Variants in TCF3 observed in about 807,000 individuals in gnomAD.
The protein encoded by TCF3 is transcription factor 3.
TCF3 carries 54 observed loss-of-function variants against 72.3 expected under a neutral mutation model. That is an observed-to-expected ratio of 0.75 (90% CI 0.60 to 0.94). TCF3 has a LOEUF of 0.94. Ranked by LOEUF, TCF3 falls within the 40% of genes least tolerant of loss-of-function variation. TCF3 has a pLI of 0.00. For synonymous variants in TCF3, 525 were observed against 412.6 expected (o/e 1.27, Z -3.30); for missense variants, 1,078 against 934.4 (o/e 1.15, Z -2.00).
At chr19:1,651,366 G>A (rs1267593902) in intron 1 of TCF3, 1 of 227,350 alleles carries the variant, frequency 4.4e-6, no homozygotes, top group East Asian at 6.3e-5. Flanking sequence ...TCTGCCAACT[G>A]GAGGCCGGGT....
At chr19:1,630,835 G>A (rs1367492993) in intron 5 of TCF3, among the ~76,000 whole-genome samples, 3 of 151,920 alleles carry the variant, frequency 2.0e-5, no homozygotes, top group Admixed American at 6.6e-5. Flanking sequence ...CTGAGCCCCC[G>A]AACCCTGGGG....
Position 1,624,015 on chromosome 19 carries a change from A to C in TCF3, c.500-15T>G, listed in dbSNP as rs1568386002. On this transcript the variant is annotated splice_polypyrimidine_tract_variant and intron_variant, in intron 7 of 18. Coordinates refer to ENST00000262965, the MANE Select transcript of TCF3 (RefSeq NM_003200.5). Reference sequence around the variant, plus strand: ...GGGCTGCGTGTCTGTTAGAAGCAAAAGGGGTGAGAACCGGCCACCGGCCAT... The same window carrying C: ...GGGCTGCGTGTCTGTTAGAAGCAAACGGGGTGAGAACCGGCCACCGGCCAT... 6.2e-7 allele frequency: 1 copy of C among 1,613,004 alleles called. No homozygotes were observed. The highest frequency in any genetic ancestry group is 8.5e-7 in the Non-Finnish European group (1 of 1,179,748).
At chr19:1,637,349 G>C (rs1435750967) in intron 3 of TCF3, among the ~76,000 whole-genome samples, 1 of 152,126 alleles carries the variant, frequency 6.6e-6, no homozygotes, top group Non-Finnish European at 1.5e-5. Context: ...CAGAACCAGG[G>C]ACAACCTTCT....
At chr19:1,629,132 A>G (rs2063370868) in intron 5 of TCF3, among the ~76,000 whole-genome samples, 1 of 151,626 alleles carries the variant, frequency 6.6e-6, no homozygotes, top group South Asian at 2.1e-4. Flanking sequence ...GGGACAGCAG[A>G]GCTCACAGTG....
chr19:1,615,594 G>T lies in TCF3; in HGVS notation c.1587-74C>A. On this transcript the variant is annotated intron_variant, in intron 17 of 18. Coordinates refer to ENST00000262965, the MANE Select transcript of TCF3 (RefSeq NM_003200.5). The surrounding 1 kb of genome is among the most constrained non-coding windows in gnomAD (Gnocchi z 7.3). ...GGGAAGAGCGTGGGGCCCGCCGACGGCCTCCCAGTGTGGGTGCGGTGTGCG... is the reference window on the plus strand; with the variant it reads ...GGGAAGAGCGTGGGGCCCGCCGACGTCCTCCCAGTGTGGGTGCGGTGTGCG... The T allele has an allele frequency of 6.2e-7, 1 of 1,607,298 alleles. No individual in the cohort carries two copies. The highest frequency in any genetic ancestry group is 1.3e-5 in the African/African-American group (1 of 75,010).
chr19:1,627,461 C>T (rs954664192), intron 5 of TCF3, 35 bp from the exon 6 acceptor site: 2 of 1,603,342 alleles, frequency 1.2e-6, no homozygotes, highest in African/African-American at 1.3e-5. Context: ...TGGGAGGCGA[C>T]CCCAAGGAAC....
chr19:1,623,901 G>A, intron 8 of TCF3, 50 bp downstream of exon 8: 1 of 1,592,034 alleles, frequency 6.3e-7, no homozygotes, highest in South Asian at 1.1e-5. Context: ...CACAGGGCCT[G>A]GCACTGCCAC....
chr19:1,616,090 T>C (rs1457756474), intron 16 of TCF3, among the ~76,000 whole-genome samples: 3 of 152,192 alleles, frequency 2.0e-5, no homozygotes, highest in African/African-American at 7.2e-5. Flanking sequence ...AGCAACTCAA[T>C]GGCAGGAATC....
rs2061333843 is a variant in TCF3 at position 1,614,341 on chromosome 19, C to T, written c.1822+944G>A. 6.6e-6 allele frequency among the ~76,000 whole-genome samples: 1 copy of T among 152,236 alleles called. No individual in the cohort carries two copies. The highest frequency in any genetic ancestry group is 2.1e-4 in the South Asian group (1 of 4,838). ...CCCGGGTCTGGTTTCTTCCCGCAAGCCCTGACGGGGGGCTTTGGGGGAGGA... is the reference window on the plus strand; with the variant it reads ...CCCGGGTCTGGTTTCTTCCCGCAAGTCCTGACGGGGGGCTTTGGGGGAGGA... On this transcript the variant is annotated intron_variant, in intron 18 of 18. Coordinates refer to ENST00000262965, the MANE Select transcript of TCF3 (RefSeq NM_003200.5). The surrounding 1 kb of genome is among the most constrained non-coding windows in gnomAD (Gnocchi z 5.6).
chr19:1,639,061 T>C (rs995575969), intron 3 of TCF3, among the ~76,000 whole-genome samples: 9 of 152,228 alleles, frequency 5.9e-5, no homozygotes, highest in African/African-American at 2.2e-4. Context: ...TTTCTTTTTC[T>C]GAGACAGAGT....
intron 8 of TCF3, among the ~76,000 whole-genome samples, chr19:1,623,418 CTG>C (rs1175295484): frequency 1.4e-5 from 2 of 143,726 alleles, no homozygotes; most frequent in East Asian, 2.3e-4. Flanking sequence ...GAGTCTCACT[CTG>C]TTGCTCAGGC....
chr19:1,613,684 C>T (rs2061266114), intron 18 of TCF3, among the ~76,000 whole-genome samples: 1 of 152,154 alleles, frequency 6.6e-6, no homozygotes, highest in Admixed American at 6.5e-5. Flanking sequence ...TCAGGGCTCA[C>T]ATGGAGCAAA....
At position 1,621,902 on chromosome 19, in the gene TCF3, G is replaced by A. The variant is rs112347235; in HGVS notation, c.891C>T (p.Pro297=). The A allele has an allele frequency of 4.3e-5, 68 of 1,599,366 alleles. No homozygotes were observed. In the African/African-American group the frequency reaches 5.1e-4, roughly 12 times the overall value. Residue 297 remains proline (P), a synonymous_variant, in exon 11 of 19, where the codon CCC becomes CCT. Transcript: ENST00000262965. ...TGGAGACGCCGCCGTACGTGGCTCCGGGGGCTGAGGAGAAGGAGGATGCAG... is the reference window on the plus strand; with the variant it reads ...TGGAGACGCCGCCGTACGTGGCTCCAGGGGCTGAGGAGAAGGAGGATGCAG... ...LPSASSFSSA[P]GATYGGVSSH...
At chr19:1,612,414 A>C in intron 18 of TCF3, 1 of 1,613,404 alleles carries the variant, frequency 6.2e-7, no homozygotes, top group Non-Finnish European at 8.5e-7. Flanking sequence ...TCCTCCAGGG[A>C]CAGCACCTCG....
At chr19:1,626,999 G>C (rs1010092226) in intron 6 of TCF3, among the ~76,000 whole-genome samples, 2 of 152,212 alleles carry the variant, frequency 1.3e-5, no homozygotes, top group African/African-American at 4.8e-5. Flanking sequence ...ACCAGGGCCA[G>C]CGTGGGTGAG....
chr19:1,614,822 CAG>C lies in TCF3; in HGVS notation c.1822+461_1822+462del, dbSNP rs1000762664. 4.5e-4 allele frequency among the ~76,000 whole-genome samples: 69 copies of C among 152,116 alleles called. No homozygotes were observed. Among genetic ancestry groups the C allele is most frequent in the African/African-American group, 1.2e-3 (50 of 41,496 alleles). On this transcript the variant is annotated intron_variant, in intron 18 of 18. Transcript: ENST00000262965. This position sits in a 1 kb window ranked among gnomAD's most constrained non-coding sequence, Gnocchi z 5.6. ...TCAGATAGGGAAACTGAGTCAGAGA[CAG>C]GGGATGGGCTCATGTGGCCTTGCGT...
At position 1,646,365 on chromosome 19, in the gene TCF3, G is replaced by C; in HGVS notation, c.135C>G (p.Phe45Leu). The C allele has an allele frequency of 6.5e-7, 1 of 1,550,344 alleles. No individual in the cohort carries two copies. The highest frequency in any genetic ancestry group is 2.4e-5 in the East Asian group (1 of 40,922). ...GRPASLAGAQ[F>L]GGSGLEDRPS... is the part of the protein sequence containing the mutation. ...AAGGCGGGGTCCTACCTGAACCTCC[G>C]AACTGCGCCCCGGCCAGGGAGGCGG... is the stretch of plus-strand genomic sequence containing the variant. The change falls in exon 3 of 19, where the codon TTC becomes TTG. Residue 45 changes from phenylalanine to leucine, a missense_variant. Transcript: ENST00000262965.
chr19:1,639,258 G>C (rs1315666490), intron 3 of TCF3, among the ~76,000 whole-genome samples: 1 of 152,190 alleles, frequency 6.6e-6, no homozygotes, highest in Non-Finnish European at 1.5e-5. Context: ...GGGCCAGGCT[G>C]GTCTTGAACT....
At chr19:1,618,254 C>G (rs539246000) in intron 16 of TCF3, among the ~76,000 whole-genome samples, 8 of 152,116 alleles carry the variant, frequency 5.3e-5, no homozygotes, top group African/African-American at 1.7e-4. Flanking sequence ...ATCCTGTGGG[C>G]CCCGCCTTCA....
Sources: gnomAD v4.1 joint callset for allele counts (sites outside exome capture counted in the v4.1 genomes callset) on GRCh38, gnomAD v4.1.1 for gene constraint, Gnocchi (gnomAD v3.1) non-coding constraint, MANE v1.5 for transcripts, NCBI Gene and HGNC (gene_info 2026-07-23, HGNC 2026-07-21) for gene names.